Variants in BCAS3 observed in about 807,000 individuals in gnomAD.
The protein encoded by BCAS3 is BCAS3 microtubule associated cell migration factor.
In BCAS3, 53 loss-of-function variants were observed where a neutral mutation model predicts 116.1. That is an observed-to-expected ratio of 0.46 (90% CI 0.37 to 0.57). The LOEUF is 0.57. Among genes scored for constraint, BCAS3 ranks in the 20% least tolerant of loss-of-function variants. The pLI, the probability that BCAS3 is intolerant of heterozygous loss-of-function variation, is 0.00. For synonymous variants in BCAS3, 391 were observed against 408.2 expected (o/e 0.96, Z 0.51); for missense variants, 917 against 1,165.4 (o/e 0.79, Z 3.10).
intron 5 of BCAS3, among the ~76,000 whole-genome samples, chr17:60,714,289 T>C (rs910442105): frequency 6.6e-6 from 1 of 152,120 alleles, no homozygotes; most frequent in African/African-American, 2.4e-5. Flanking sequence ...TTTGAGTAAG[T>C]GTAGGTGGGC....
In BCAS3 at chr17:61,364,391, A is replaced by G. The variant is rs1333673706; in HGVS notation, c.2426-3936A>G. On this transcript the variant is annotated intron_variant, in intron 22 of 23. Transcript: ENST00000407086. The surrounding 1 kb of genome is among the most constrained non-coding windows in gnomAD (Gnocchi z 5.4). ...GTTGAAGGTGACAGGAGTTCTCAAA[A>G]TGGTAGGAAAGATAGAAGTGGTTTA... 2.0e-5 allele frequency among the ~76,000 whole-genome samples: 3 copies of G among 152,194 alleles called. No homozygotes were observed. The highest frequency in any genetic ancestry group is 7.2e-5 in the African/African-American group (3 of 41,438).
intron 22 of BCAS3, among the ~76,000 whole-genome samples, chr17:61,197,936 A>G (rs1002965674): frequency 6.6e-6 from 1 of 152,168 alleles, no homozygotes; most frequent in African/African-American, 2.4e-5. Flanking sequence ...TTCCATAGAT[A>G]AGTAATAAGA....
At chr17:61,201,912 C>A (rs545178435) in intron 22 of BCAS3, among the ~76,000 whole-genome samples, 42 of 151,378 alleles carry the variant, frequency 2.8e-4, no homozygotes, top group African/African-American at 1.0e-3. Context: ...GAATGTGACA[C>A]CACGCTCGGC....
At chr17:60,802,329 T>A (rs1420573799) in intron 6 of BCAS3, among the ~76,000 whole-genome samples, 1 of 146,178 alleles carries the variant, frequency 6.8e-6, no homozygotes, top group African/African-American at 2.6e-5. Flanking sequence ...CACACACATA[T>A]ATTTATATAA....
chr17:60,817,119 C>T (rs1322780424), intron 7 of BCAS3, among the ~76,000 whole-genome samples: 1 of 152,206 alleles, frequency 6.6e-6, no homozygotes, highest in African/African-American at 2.4e-5. Flanking sequence ...TTAACATACT[C>T]TCTCTTACTG....
chr17:61,241,279 C>CTGTT lies in BCAS3; in HGVS notation c.2426-127046_2426-127043dup, dbSNP rs1467785085. On this transcript the variant is annotated intron_variant, in intron 22 of 23. Coordinates refer to ENST00000407086, the MANE Select transcript of BCAS3 (RefSeq NM_017679.5). The surrounding 1 kb of genome is among the most constrained non-coding windows in gnomAD (Gnocchi z 4.6). The stretch of plus-strand genomic sequence containing the variant: ...CAAGTGATGAAGCTAGTGAGTGAGC[C>CTGTT]TGTTTACCACCAAGTACCCACGTCT... 2.0e-5 allele frequency among the ~76,000 whole-genome samples: 3 copies of CTGTT among 152,076 alleles called. No individual in the cohort carries two copies. Among genetic ancestry groups the CTGTT allele is most frequent in the Non-Finnish European group, 4.4e-5 (3 of 68,024 alleles).
chr17:61,194,689 G>A (rs751267860), intron 22 of BCAS3, among the ~76,000 whole-genome samples: 10 of 147,340 alleles, frequency 6.8e-5, no homozygotes, highest in Middle Eastern at 3.7e-3. Context: ...GCAGTGAGCC[G>A]AGATTGTGCC....
At chr17:61,064,126 T>C (rs2070360386) in intron 19 of BCAS3, among the ~76,000 whole-genome samples, 1 of 152,186 alleles carries the variant, frequency 6.6e-6, no homozygotes, top group Non-Finnish European at 1.5e-5. Context: ...TATAGTCTGT[T>C]CACTTCTTAG....
At chr17:60,830,119 A>G (rs999458556) in intron 7 of BCAS3, among the ~76,000 whole-genome samples, 2 of 152,056 alleles carry the variant, frequency 1.3e-5, no homozygotes, top group African/African-American at 4.8e-5. Flanking sequence ...AGCTGCCTGA[A>G]TAACTGGGAT....
intron 22 of BCAS3, among the ~76,000 whole-genome samples, chr17:61,336,402 A>G (rs1417755240): frequency 6.6e-6 from 1 of 152,092 alleles, no homozygotes; most frequent in Non-Finnish European, 1.5e-5. Context: ...GACAGCCTGC[A>G]TTCTCTTAGG....
chr17:61,299,315 C>T (rs1012920830), intron 22 of BCAS3, among the ~76,000 whole-genome samples: 1 of 151,326 alleles, frequency 6.6e-6, no homozygotes, highest in Non-Finnish European at 1.5e-5. Flanking sequence ...TGGTGGTGGG[C>T]GCCTGTAGTC....
At chr17:61,027,529 A>T in intron 16 of BCAS3, 1 of 331,018 alleles carries the variant, frequency 3.0e-6, no homozygotes, top group Non-Finnish European at 5.9e-6. Context: ...CACAGAATAC[A>T]GCTTTGTCAG....
intron 19 of BCAS3, chr17:61,069,945 G>A: frequency 6.4e-7 from 1 of 1,566,042 alleles, no homozygotes; most frequent in Non-Finnish European, 8.7e-7. Context: ...TAAAGGCCAA[G>A]AAGGCAGTGT....
At chr17:61,147,533 T>C (rs2143977209) in intron 22 of BCAS3, among the ~76,000 whole-genome samples, 1 of 152,306 alleles carries the variant, frequency 6.6e-6, no homozygotes, top group East Asian at 1.9e-4. Flanking sequence ...CAACAGGTGT[T>C]TCTTGTATCA....
At chr17:60,685,617 AGGCTTAAAG>A (rs2033917083) in intron 3 of BCAS3, among the ~76,000 whole-genome samples, 2 of 152,240 alleles carry the variant, frequency 1.3e-5, no homozygotes, top group East Asian at 1.9e-4. Flanking sequence ...GTTTGTTTTG[AGGCTTAAAG>A]GGTGTCATGT....
In BCAS3 at chr17:61,348,497, GA is replaced by G. The variant is rs1602937028; in HGVS notation, c.2426-19827del. Among the ~76,000 whole-genome samples the G allele has an allele frequency of 1.3e-5, 2 of 152,226 alleles. No homozygotes were observed. Among genetic ancestry groups the G allele is most frequent in the East Asian group, 1.9e-4 (1 of 5,170 alleles). Reference sequence around the variant, plus strand: ...AACTCACCCAAGAATAGTTTACAGAGAAAGAAGAGAAGAGGACTGAGGGCAC... The same window carrying G: ...AACTCACCCAAGAATAGTTTACAGAGAAGAAGAGAAGAGGACTGAGGGCAC... On this transcript the variant is annotated intron_variant, in intron 22 of 23. Transcript: ENST00000407086. The surrounding 1 kb of genome is among the most constrained non-coding windows in gnomAD (Gnocchi z 4.5).
rs954216426 is a variant in BCAS3, at chr17:61,161,607, C to A, written c.2425+77043C>A. 6.6e-6 allele frequency among the ~76,000 whole-genome samples: 1 copy of A among 151,970 alleles called. No homozygotes were observed. Among genetic ancestry groups the A allele is most frequent in the African/African-American group, 2.4e-5 (1 of 41,322 alleles). ...ACACATTTCTGAATGAAAAGATAGA[C>A]GATGTCTTTATTTTAAACAATCTAG... On this transcript the variant is annotated intron_variant, in intron 22 of 23. Transcript: ENST00000407086. The surrounding 1 kb of genome is among the most constrained non-coding windows in gnomAD (Gnocchi z 4.8).
intron 7 of BCAS3, among the ~76,000 whole-genome samples, chr17:60,835,838 C>T (rs2051324255): frequency 1.3e-5 from 2 of 151,940 alleles, no homozygotes; most frequent in African/African-American, 4.8e-5. Context: ...CAGATATTAG[C>T]CTTATTAGAA....
Position 61,046,107 on chromosome 17 carries a change from A to T in BCAS3, c.2029+5215A>T, listed in dbSNP as rs1390961745. 6.7e-4 allele frequency among the ~76,000 whole-genome samples: 43 copies of T among 64,046 alleles called. 1 individual carries two copies. Among genetic ancestry groups the T allele is most frequent in the African/African-American group, 2.5e-3 (42 of 16,790 alleles). The allele number at this position is 64,046 out of a possible 152,430, so 42.0% of individuals were successfully genotyped here. ...TTATATATATATATAATATATATAT[A>T]TATAAAGTAAAATAAAAGCAATACT... On this transcript the variant is annotated intron_variant, in intron 19 of 23. Coordinates refer to ENST00000407086, the MANE Select transcript of BCAS3 (RefSeq NM_017679.5).
Sources: gnomAD v4.1 joint callset for allele counts (sites outside exome capture counted in the v4.1 genomes callset) on GRCh38, gnomAD v4.1.1 for gene constraint, Gnocchi (gnomAD v3.1) non-coding constraint, MANE v1.5 for transcripts, NCBI Gene and HGNC (gene_info 2026-07-23, HGNC 2026-07-21) for gene names.